The following CELF2 variants were observed in gnomAD, a reference collection of about 807,000 sequenced individuals.
CELF2 encodes the protein CUGBP Elav-like family member 2.
Under a neutral mutation model 62.6 loss-of-function variants are expected in CELF2, and 8 were observed. The ratio of observed to expected loss-of-function variants is 0.13; its 90% CI spans 0.07 to 0.23. CELF2 has a LOEUF of 0.23. CELF2 is among the 10% of genes least tolerant of loss of function. The probability of loss-of-function intolerance (pLI) is 1.00; values close to 1 mark genes in which losing one functional copy is unlikely to be tolerated. For synonymous variants in CELF2, 258 were observed against 250.0 expected (o/e 1.03, Z -0.30); for missense variants, 333 against 671.0 (o/e 0.50, Z 5.56).
At chr10:10,564,641 TACACACACACAC>T in the CELF2 span, among the ~76,000 whole-genome samples, 30 of 136,250 alleles carry the variant, frequency 2.2e-4, no homozygotes, top group East Asian at 1.3e-3. Context: ...GTTAACTGAA[TACACACACACAC>T]ACACACACAC....
chr10:10,833,220 T>C (rs757955427), intron 1 of CELF2, among the ~76,000 whole-genome samples: 1 of 152,270 alleles, frequency 6.6e-6, no homozygotes, highest in Non-Finnish European at 1.5e-5. Flanking sequence ...GTTAGCATTA[T>C]GGCACATAGC....
chr10:10,485,261 G>T, the CELF2 span, among the ~76,000 whole-genome samples: 14 of 152,152 alleles, frequency 9.2e-5, no homozygotes, highest in Admixed American at 8.5e-4. Context: ...CCAAGGACCC[G>T]CAATTAGAAG....
rs932974706 is a variant in CELF2, at chr10:11,237,734, C to T, written c.355-11419C>T. Among the ~76,000 whole-genome samples the T allele has an allele frequency of 1.4e-5, 2 of 139,026 alleles. No individual in the cohort carries two copies. Among genetic ancestry groups the T allele is most frequent in the Admixed American group, 1.4e-4 (2 of 14,078 alleles). The allele number at this position is 139,026 out of a possible 152,430, so 91.2% of individuals were successfully genotyped here. ...CACAGTGAGCCCCACCTGACAACAG[C>T]TGGCACTGGGGAGGGCACCGAAGGC... On this transcript the variant is annotated intron_variant, in intron 3 of 12. Coordinates refer to ENST00000633077, the MANE Select transcript of CELF2 (RefSeq NM_001326342.2). This position sits in a 1 kb window ranked among gnomAD's most constrained non-coding sequence, Gnocchi z 4.0.
intron 1 of CELF2, among the ~76,000 whole-genome samples, chr10:11,108,348 G>GTTTT (rs138546101): frequency 1.3e-5 from 2 of 149,532 alleles, no homozygotes. Flanking sequence ...CTGGTTCACT[G>GTTTT]TTTTTTTGTT....
the CELF2 span, among the ~76,000 whole-genome samples, chr10:10,658,320 A>G: frequency 6.6e-6 from 1 of 152,182 alleles, no homozygotes; most frequent in African/African-American, 2.4e-5. Flanking sequence ...ACTGTTGTGC[A>G]ATCACTTCAT....
rs138077110 is a variant in CELF2 at position 11,172,137 on chromosome 10, G to A, written c.271+6455G>A. On this transcript the variant is annotated intron_variant, in intron 2 of 12. Transcript: ENST00000633077. ...CCTACATTTCTTGAAAAGCAGGGTT[G>A]CTGCCCTAGATTTTCTGGGACAGCC... Among the ~76,000 whole-genome samples, 673 of 152,346 alleles carry A rather than the reference G, an allele frequency of 4.4e-3. 7 individuals are homozygous for A. Among genetic ancestry groups the A allele is most frequent in the African/African-American group, 0.015 (636 of 41,582 alleles).
At chr10:10,462,613 A>ATTTT in the CELF2 span, among the ~76,000 whole-genome samples, 1 of 32,916 alleles carries the variant, frequency 3.0e-5, no homozygotes, top group Non-Finnish European at 6.4e-5. Context: ...AATTTTTTTC[A>ATTTT]TCTTTTTTTT....
chr10:10,516,748 G>A, the CELF2 span, among the ~76,000 whole-genome samples: 2 of 129,406 alleles, frequency 1.5e-5, no homozygotes, highest in African/African-American at 2.8e-5. Context: ...AAAAAAAAAA[G>A]CAAAAATCAC....
intron 1 of CELF2, among the ~76,000 whole-genome samples, chr10:10,877,526 T>C (rs2061182298): frequency 6.6e-6 from 1 of 152,234 alleles, no homozygotes; most frequent in Non-Finnish European, 1.5e-5. Flanking sequence ...TATGCATTTA[T>C]CTCAGTGAGC....
chr10:11,040,154 C>A (rs1413355214), intron 1 of CELF2, among the ~76,000 whole-genome samples: 1 of 152,130 alleles, frequency 6.6e-6, no homozygotes, highest in Non-Finnish European at 1.5e-5. Flanking sequence ...ATTCTCAGGG[C>A]AGTCCAAAGC....
chr10:10,890,842 C>T (rs529428419), intron 1 of CELF2, among the ~76,000 whole-genome samples: 33 of 152,282 alleles, frequency 2.2e-4, no homozygotes, highest in African/African-American at 7.0e-4. Context: ...TGGTAAAACC[C>T]CTTTTCTACT....
At chr10:10,559,077 C>T in the CELF2 span, among the ~76,000 whole-genome samples, 2 of 152,038 alleles carry the variant, frequency 1.3e-5, no homozygotes, top group African/African-American at 2.4e-5. Flanking sequence ...TATGTGGCTA[C>T]TAGAAGATTT....
chr10:11,083,996 C>G (rs370517234), intron 1 of CELF2, among the ~76,000 whole-genome samples: 2 of 152,186 alleles, frequency 1.3e-5, no homozygotes, highest in East Asian at 3.8e-4. Context: ...GGCCCAGACC[C>G]CACTATTGAA....
At chr10:11,036,760 A>G (rs542787365) in intron 1 of CELF2, among the ~76,000 whole-genome samples, 2 of 152,326 alleles carry the variant, frequency 1.3e-5, no homozygotes, top group East Asian at 3.9e-4. Context: ...CTTGTGCCTC[A>G]TGGGCGGCTG....
At chr10:10,748,530 C>T in the CELF2 span, among the ~76,000 whole-genome samples, 13 of 151,814 alleles carry the variant, frequency 8.6e-5, no homozygotes, top group Admixed American at 5.9e-4. Context: ...GGGCGGATCA[C>T]GAGGTCAGGA....
chr10:10,757,012 C>T, the CELF2 span, among the ~76,000 whole-genome samples: 5 of 152,064 alleles, frequency 3.3e-5, no homozygotes, highest in African/African-American at 1.2e-4. Flanking sequence ...CGTGGTGGCA[C>T]GTGCCTGTAG....
At chr10:11,024,459 G>A (rs1261207984) in intron 1 of CELF2, among the ~76,000 whole-genome samples, 4 of 152,020 alleles carry the variant, frequency 2.6e-5, no homozygotes, top group African/African-American at 7.3e-5. Flanking sequence ...AAATTAGTTC[G>A]CCGTGGTTTC....
chr10:10,543,282 G>C, the CELF2 span, among the ~76,000 whole-genome samples: 2 of 152,076 alleles, frequency 1.3e-5, no homozygotes, highest in African/African-American at 2.4e-5. Flanking sequence ...AAGAAGTGGA[G>C]AATGTTCTCT....
the CELF2 span, among the ~76,000 whole-genome samples, chr10:10,761,260 T>C: frequency 6.6e-6 from 1 of 152,158 alleles, no homozygotes; most frequent in Admixed American, 6.5e-5. Context: ...ACATAAGAAG[T>C]TGAATGAGTT....
Sources: allele counts gnomAD v4.1 joint callset (sites outside exome capture counted in the v4.1 genomes callset), GRCh38; gene constraint gnomAD v4.1.1; non-coding constraint Gnocchi (gnomAD v3.1); transcripts MANE v1.5; gene names NCBI Gene and HGNC (gene_info 2026-07-23, HGNC 2026-07-21).